Variants in GMDS observed in about 807,000 individuals in gnomAD.
GMDS encodes GDP-mannose 4,6-dehydratase.
In GMDS, 20 loss-of-function variants were observed where a neutral mutation model predicts 49.9. That is an observed-to-expected ratio of 0.40 (90% CI 0.28 to 0.58). The LOEUF is 0.58. Among genes scored for constraint, GMDS ranks in the 20% least tolerant of loss-of-function variants. The probability of loss-of-function intolerance (pLI) is 0.42; values close to 1 mark genes in which losing one functional copy is unlikely to be tolerated. For synonymous variants in GMDS, 177 were observed against 178.6 expected (o/e 0.99, Z 0.07); for missense variants, 362 against 481.4 (o/e 0.75, Z 2.32).
intron 9 of GMDS, among the ~76,000 whole-genome samples, chr6:1,681,703 A>C (rs1454175082): frequency 6.6e-6 from 1 of 152,212 alleles, no homozygotes; most frequent in African/African-American, 2.4e-5. Flanking sequence ...TGATTTTCAA[A>C]ACACCACTCA....
chr6:1,738,182 CAT>C (rs1283400031), intron 8 of GMDS, among the ~76,000 whole-genome samples: 76 of 151,472 alleles, frequency 5.0e-4, no homozygotes, highest in African/African-American at 1.8e-3. Context: ...TACACACACA[CAT>C]ATACACACAT....
At chr6:1,684,390 C>T (rs1764899770) in intron 9 of GMDS, among the ~76,000 whole-genome samples, 1 of 152,150 alleles carries the variant, frequency 6.6e-6, no homozygotes. Context: ...CCACACAAAC[C>T]AGGAATGCAA....
At chr6:1,946,508 CATT>C (rs35781610) in intron 6 of GMDS, among the ~76,000 whole-genome samples, 99,496 of 151,788 alleles carry the variant, frequency 0.66, 32,767 homozygotes, top group African/African-American at 0.73. Context: ...GCTATGCTAT[CATT>C]ATCATTACTA....
At chr6:1,665,120 T>A (rs1009852348) in intron 9 of GMDS, among the ~76,000 whole-genome samples, 1 of 152,236 alleles carries the variant, frequency 6.6e-6, no homozygotes, top group Non-Finnish European at 1.5e-5. Flanking sequence ...TATTATACTT[T>A]AAGTTCTAGG....
intron 1 of GMDS, among the ~76,000 whole-genome samples, chr6:2,127,942 C>T (rs1775542954): frequency 6.6e-6 from 1 of 152,204 alleles, no homozygotes; most frequent in Admixed American, 6.5e-5. Flanking sequence ...AAGGAACAAA[C>T]AGACTAAATC....
chr6:1,788,061 A>T (rs189416759), intron 7 of GMDS, among the ~76,000 whole-genome samples: 122 of 152,272 alleles, frequency 8.0e-4, no homozygotes, highest in African/African-American at 2.8e-3. Context: ...CCAGATGTCA[A>T]ATTGGAATAT....
At chr6:1,748,754 C>T (rs1047043415) in intron 7 of GMDS, among the ~76,000 whole-genome samples, 3 of 152,252 alleles carry the variant, frequency 2.0e-5, no homozygotes, top group Non-Finnish European at 4.4e-5. Context: ...CCATGGACTA[C>T]GATTTGCCCA....
chr6:1,937,454 C>T (rs776684796), intron 6 of GMDS, among the ~76,000 whole-genome samples: 55 of 152,224 alleles, frequency 3.6e-4, no homozygotes, highest in Non-Finnish European at 5.4e-4. Flanking sequence ...CAAACTCCCA[C>T]ACACTGGGTG....
intron 7 of GMDS, among the ~76,000 whole-genome samples, chr6:1,850,974 C>T (rs539225116): frequency 1.1e-4 from 16 of 152,320 alleles, no homozygotes; most frequent in East Asian, 3.9e-4. Flanking sequence ...CCGCAGAACA[C>T]CCAAGTTGAT....
At chr6:2,208,412 TAAGGATA>T (rs1779903754) in intron 1 of GMDS, among the ~76,000 whole-genome samples, 1 of 152,204 alleles carries the variant, frequency 6.6e-6, no homozygotes, top group South Asian at 2.1e-4. Context: ...GCAACTCACC[TAAGGATA>T]AATATCAAAT....
At chr6:2,089,178 T>C (rs1007961511) in intron 4 of GMDS, among the ~76,000 whole-genome samples, 2 of 152,230 alleles carry the variant, frequency 1.3e-5, no homozygotes, top group African/African-American at 4.8e-5. Context: ...CAATACTTTT[T>C]AGTTCTTTTA....
chr6:1,696,673 G>A (rs1297353038), intron 9 of GMDS, among the ~76,000 whole-genome samples: 1 of 152,210 alleles, frequency 6.6e-6, no homozygotes, highest in African/African-American at 2.4e-5. Flanking sequence ...AGGCTCAGAG[G>A]GGTTAAAAGA....
At chr6:1,920,698 C>T (rs1383523238) in intron 7 of GMDS, among the ~76,000 whole-genome samples, 1 of 152,150 alleles carries the variant, frequency 6.6e-6, no homozygotes, top group Non-Finnish European at 1.5e-5. Flanking sequence ...TTCATATTTT[C>T]AGATTTTCCA....
At chr6:2,208,872 T>C (rs899421639) in intron 1 of GMDS, among the ~76,000 whole-genome samples, 2 of 143,288 alleles carry the variant, frequency 1.4e-5, no homozygotes, top group Admixed American at 1.4e-4. Context: ...AAAAAAAAAC[T>C]ATTAGGCAAT....
intron 4 of GMDS, among the ~76,000 whole-genome samples, chr6:2,084,754 G>T (rs897343642): frequency 1.3e-5 from 2 of 152,108 alleles, no homozygotes; most frequent in South Asian, 2.1e-4. Flanking sequence ...TGATCCGCCC[G>T]CCTCAGCTTC....
At chr6:2,097,248 C>T (rs1001809513) in intron 4 of GMDS, among the ~76,000 whole-genome samples, 49 of 152,184 alleles carry the variant, frequency 3.2e-4, no homozygotes, top group African/African-American at 1.1e-3. Flanking sequence ...TAATTGTATA[C>T]ACAAGCCCCC....
chr6:2,065,151 C>T (rs571862123), intron 4 of GMDS, among the ~76,000 whole-genome samples: 1 of 152,270 alleles, frequency 6.6e-6, no homozygotes, highest in Non-Finnish European at 1.5e-5. Flanking sequence ...AGGCACCCCC[C>T]AGCAGGGGCA....
intron 7 of GMDS, among the ~76,000 whole-genome samples, chr6:1,882,558 G>C (rs1759412833): frequency 6.6e-6 from 1 of 152,058 alleles, no homozygotes; most frequent in Non-Finnish European, 1.5e-5. Flanking sequence ...ACAGAAGAGA[G>C]AGAAATAATT....
chr6:1,870,114 C>T (rs3778542), intron 7 of GMDS, among the ~76,000 whole-genome samples: 9,517 of 152,278 alleles, frequency 0.062, 529 homozygotes, highest in East Asian at 0.3. Context: ...TGGCGTCTGC[C>T]AGCACGGTGT....
Sources: allele counts gnomAD v4.1 joint callset (sites outside exome capture counted in the v4.1 genomes callset), GRCh38; gene constraint gnomAD v4.1.1; transcripts MANE v1.5; gene names NCBI Gene and HGNC (gene_info 2026-07-23, HGNC 2026-07-21).